The following CMC1 variants were observed in gnomAD, a reference collection of about 807,000 sequenced individuals.
CMC1 encodes the protein COX assembly mitochondrial protein homolog.
A neutral mutation model predicts 14.1 loss-of-function variants in CMC1; 14 were observed. The ratio of observed to expected loss-of-function variants is 0.99; its 90% CI spans 0.66 to 1.55. The LOEUF (loss-of-function observed/expected upper bound fraction) is 1.55, where lower values mean the gene tolerates loss of function less well. Among genes scored for constraint, CMC1 ranks in the 40% most tolerant of loss-of-function variants. The pLI, the probability that CMC1 is intolerant of heterozygous loss-of-function variation, is 0.00. For missense variants in CMC1, 127 were observed against 123.8 expected (o/e 1.03, Z -0.12); for synonymous variants, 50 against 38.4 (o/e 1.30, Z -1.12).
At chr3:28,270,157 C>A (rs868360265) in intron 2 of CMC1, among the ~76,000 whole-genome samples, 2 of 152,168 alleles carry the variant, frequency 1.3e-5, no homozygotes, top group Non-Finnish European at 2.9e-5. Flanking sequence ...TCTGGTCTAT[C>A]ATGGATGGGC....
rs1047409774 is a variant in CMC1 at position 28,288,184 on chromosome 3, A to G, written c.109+24804A>G. On this transcript the variant is annotated intron_variant, in intron 2 of 3. Transcript: ENST00000466830. ...TAATACTGGTAGTTTCCTGTGTAAA[A>G]TGAAACATGAAAATGTTATATGTCT... Among the ~76,000 whole-genome samples, 30 of 152,108 alleles carry G rather than the reference A, an allele frequency of 2.0e-4. 1 individual carries two copies. The highest frequency in any genetic ancestry group is 7.0e-4 in the African/African-American group (29 of 41,442).
At chr3:28,311,979 T>C (rs1321299574) in intron 2 of CMC1, among the ~76,000 whole-genome samples, 3 of 152,204 alleles carry the variant, frequency 2.0e-5, no homozygotes, top group Admixed American at 6.5e-5. Context: ...AAGCAAAGTT[T>C]TGTGATTCAG....
chr3:28,316,280 G>T, intron 2 of CMC1, 53 bp from the exon 3 acceptor site: 1 of 872,770 alleles, frequency 1.1e-6, no homozygotes, highest in South Asian at 1.9e-5. Context: ...GTGTGTGTGG[G>T]TATTTATATA....
chr3:28,324,150 T>C lies in CMC1; in HGVS notation c.*4521T>C. The C allele has an allele frequency of 6.2e-7, 1 of 1,610,666 alleles. No homozygotes were observed. The highest frequency in any genetic ancestry group is 1.1e-5 in the South Asian group (1 of 90,992). On this transcript the variant is annotated 3_prime_UTR_variant, in exon 4 of 4. Coordinates refer to ENST00000466830, the MANE Select transcript of CMC1 (RefSeq NM_182523.2). ...TAGTTTCCCCAAATGCTGTCTCACT[T>C]GATTTAGGAGGACTTGGAAATACCC...
chr3:28,251,901 C>G (rs1172166597), intron 1 of CMC1, among the ~76,000 whole-genome samples: 1 of 152,214 alleles, frequency 6.6e-6, no homozygotes, highest in Non-Finnish European at 1.5e-5. Flanking sequence ...TCTCAAATGT[C>G]TGCTCCTGTC....
chr3:28,248,093 G>T (rs1698920734), intron 1 of CMC1, among the ~76,000 whole-genome samples: 1 of 151,890 alleles, frequency 6.6e-6, no homozygotes, highest in Non-Finnish European at 1.5e-5. Context: ...TTTCCTTTTA[G>T]ATATAAAATC....
At chr3:28,285,390 T>C (rs894792256) in intron 2 of CMC1, among the ~76,000 whole-genome samples, 2 of 150,854 alleles carry the variant, frequency 1.3e-5, no homozygotes, top group Non-Finnish European at 3.0e-5. Flanking sequence ...GTTGATTATG[T>C]AAAAGTCTTA....
intron 2 of CMC1, among the ~76,000 whole-genome samples, chr3:28,275,630 G>A (rs11924235): frequency 0.032 from 4,894 of 152,216 alleles, 244 homozygotes; most frequent in African/African-American, 0.1. Context: ...AAGCACTCTG[G>A]CTGCCCCTTG....
rs116283907 is a variant in CMC1 at position 28,249,953 on chromosome 3, G to A, written c.19+8141G>A. ...ATGGCAGTGAGCGGGGAGGGATGGG[G>A]GAAGAGGAGGTTGAGGGAGGAGGAG... is the stretch of plus-strand genomic sequence containing the variant. On this transcript the variant is annotated intron_variant, in intron 1 of 3. Transcript: ENST00000466830. Among the ~76,000 whole-genome samples, 1,145 of 152,220 alleles carry A rather than the reference G, an allele frequency of 7.5e-3. 14 individuals are homozygous for A. The highest frequency in any genetic ancestry group is 0.025 in the African/African-American group (1,058 of 41,538).
intron 1 of CMC1, 94 bp downstream of exon 1, chr3:28,241,906 A>G (rs1698541806): frequency 1.7e-6 from 2 of 1,182,600 alleles, no homozygotes; most frequent in Non-Finnish European, 2.1e-6. Flanking sequence ...GGAAAGGTGC[A>G]GAGCTCTGGG....
chr3:28,247,032 TA>T (rs1193427985), intron 1 of CMC1, among the ~76,000 whole-genome samples: 4 of 152,184 alleles, frequency 2.6e-5, no homozygotes, highest in African/African-American at 9.7e-5. Flanking sequence ...TTAATGTACA[TA>T]AGTATTTTTT....
chr3:28,278,178 A>AG (rs1161044524), intron 2 of CMC1, among the ~76,000 whole-genome samples: 1 of 121,274 alleles, frequency 8.2e-6, no homozygotes, highest in Non-Finnish European at 1.8e-5. Context: ...TTGAAAGTAG[A>AG]GGCAACAGAG....
intron 2 of CMC1, chr3:28,294,400 CATGTGAAATAAATTTTTCTCTT>C: frequency 1.6e-6 from 1 of 611,062 alleles, no homozygotes; most frequent in Non-Finnish European, 2.0e-6. Context: ...TCCTTTTTGT[CATGTGAAATAAATTTTTCTCTT>C]TTACAATACA....
chr3:28,307,001 G>A (rs1023474773), intron 2 of CMC1, among the ~76,000 whole-genome samples: 82 of 152,140 alleles, frequency 5.4e-4, no homozygotes, highest in African/African-American at 1.9e-3. Flanking sequence ...AAGTTAAGAT[G>A]GCCATCTTTT....
intron 2 of CMC1, among the ~76,000 whole-genome samples, chr3:28,273,939 T>C (rs982615555): frequency 3.3e-5 from 5 of 152,304 alleles, no homozygotes; most frequent in Non-Finnish European, 7.3e-5. Flanking sequence ...TCCATTTGTT[T>C]GGTAAATTGT....
chr3:28,250,906 G>A (rs182961272), intron 1 of CMC1, among the ~76,000 whole-genome samples: 4 of 152,288 alleles, frequency 2.6e-5, no homozygotes, highest in African/African-American at 9.6e-5. Context: ...ACTCCTTTAA[G>A]ATTTCCCTTT....
intron 1 of CMC1, among the ~76,000 whole-genome samples, chr3:28,257,330 C>T (rs559435754): frequency 3.9e-5 from 6 of 152,208 alleles, no homozygotes; most frequent in South Asian, 2.1e-4. Context: ...TGAATCATGG[C>T]AGTATGTACT....
intron 1 of CMC1, among the ~76,000 whole-genome samples, chr3:28,243,006 T>G (rs541296869): frequency 3.3e-5 from 5 of 152,018 alleles, no homozygotes; most frequent in African/African-American, 1.2e-4. Flanking sequence ...AGAGTATAAG[T>G]GAGGGGTGAG....
intron 2 of CMC1, among the ~76,000 whole-genome samples, chr3:28,271,563 G>A (rs1700292715): frequency 6.6e-6 from 1 of 152,142 alleles, no homozygotes; most frequent in African/African-American, 2.4e-5. Context: ...TGGTCTATGT[G>A]TCTGTTTTTG....
Sources: allele counts gnomAD v4.1 joint callset (sites outside exome capture counted in the v4.1 genomes callset), GRCh38; gene constraint gnomAD v4.1.1; transcripts MANE v1.5; gene names NCBI Gene and HGNC (gene_info 2026-07-23, HGNC 2026-07-21).